STRBP: variants seen among roughly 807,000 people sequenced by gnomAD.
STRBP encodes the protein spermatid perinuclear RNA binding protein.
A neutral mutation model predicts 80.1 loss-of-function variants in STRBP; 13 were observed. The ratio of observed to expected loss-of-function variants is 0.16; its 90% confidence interval spans 0.11 to 0.26. STRBP has a LOEUF of 0.26. Ranked by LOEUF, STRBP falls within the 10% of genes least tolerant of loss-of-function variation. The pLI is 1.00. For synonymous variants in STRBP, 284 were observed against 291.2 expected (o/e 0.98, Z 0.25); for missense variants, 485 against 815.2 (o/e 0.59, Z 4.93).
intron 1 of STRBP, among the ~76,000 whole-genome samples, chr9:123,263,281 C>T (rs553880140): frequency 3.3e-4 from 50 of 152,218 alleles, no homozygotes; most frequent in Middle Eastern, 3.4e-3. Flanking sequence ...GCAACCTATG[C>T]TGAGACAGGA....
intron 1 of STRBP, among the ~76,000 whole-genome samples, chr9:123,258,081 T>A (rs749257668): frequency 6.6e-5 from 10 of 151,988 alleles, no homozygotes; most frequent in Admixed American, 5.9e-4. Context: ...ATTAAAACTT[T>A]AAAAAAATTA....
intron 1 of STRBP, among the ~76,000 whole-genome samples, chr9:123,240,627 T>C (rs2040673793): frequency 6.6e-6 from 1 of 152,154 alleles, no homozygotes; most frequent in African/African-American, 2.4e-5. Context: ...GTCGCAAACA[T>C]ACAAGAGCAT....
intron 2 of STRBP, among the ~76,000 whole-genome samples, chr9:123,206,553 C>T (rs938734038): frequency 1.3e-5 from 2 of 152,112 alleles, no homozygotes; most frequent in African/African-American, 4.8e-5. Flanking sequence ...AAATGAATGA[C>T]AGGGGGTTCT....
chr9:123,188,839 T>G (rs1205584778), intron 2 of STRBP, among the ~76,000 whole-genome samples: 1 of 152,154 alleles, frequency 6.6e-6, no homozygotes, highest in Non-Finnish European at 1.5e-5. Flanking sequence ...AAACAGTAAC[T>G]GACTAGGAAA....
chr9:123,237,327 C>T (rs1485345145), intron 1 of STRBP, among the ~76,000 whole-genome samples: 4 of 152,108 alleles, frequency 2.6e-5, no homozygotes, highest in East Asian at 1.9e-4. Flanking sequence ...CTCACCTTTA[C>T]ATTCTGTAAC....
chr9:123,149,941 T>A (rs1296657801), intron 11 of STRBP, among the ~76,000 whole-genome samples: 1 of 152,208 alleles, frequency 6.6e-6, no homozygotes, highest in African/African-American at 2.4e-5. Context: ...AGAGCTTACA[T>A]ATACTGGCCA....
intron 11 of STRBP, among the ~76,000 whole-genome samples, chr9:123,150,130 C>T (rs1284519675): frequency 2.0e-5 from 3 of 152,108 alleles, no homozygotes; most frequent in African/African-American, 7.2e-5. Flanking sequence ...TAAACAGCAA[C>T]TACAAAAGTC....
intron 5 of STRBP, among the ~76,000 whole-genome samples, chr9:123,170,613 A>C (rs991352200): frequency 2.0e-5 from 3 of 152,210 alleles, no homozygotes; most frequent in Non-Finnish European, 2.9e-5. Context: ...CTTCTCCGAC[A>C]ACAGGTCTCA....
chr9:123,175,995 T>C (rs192963444), intron 4 of STRBP, among the ~76,000 whole-genome samples: 47 of 152,314 alleles, frequency 3.1e-4, no homozygotes, highest in African/African-American at 9.1e-4. Flanking sequence ...CTGTGTGACA[T>C]TGGACAAATT....
intron 11 of STRBP, among the ~76,000 whole-genome samples, chr9:123,153,204 T>C (rs2037134794): frequency 6.6e-6 from 1 of 151,758 alleles, no homozygotes; most frequent in African/African-American, 2.4e-5. Flanking sequence ...TTTTTTTTTT[T>C]TTCTGAGACA....
At chr9:123,195,743 C>T (rs541983365) in intron 2 of STRBP, among the ~76,000 whole-genome samples, 19 of 152,162 alleles carry the variant, frequency 1.2e-4, no homozygotes, top group Middle Eastern at 3.4e-3. Context: ...GGATTGGAAG[C>T]GTCAATATTG....
chr9:123,229,174 C>A (rs79684642), intron 2 of STRBP, among the ~76,000 whole-genome samples: 2,151 of 152,250 alleles, frequency 0.014, 50 homozygotes, highest in African/African-American at 0.049. Flanking sequence ...CTGCCAGGAA[C>A]TGGAGGAAGG....
intron 2 of STRBP, among the ~76,000 whole-genome samples, chr9:123,198,975 T>C (rs1044652470): frequency 1.3e-5 from 2 of 152,248 alleles, no homozygotes; most frequent in Non-Finnish European, 2.9e-5. Flanking sequence ...AGATGGAGTC[T>C]GACTCTGTCG....
At position 123,184,148 on chromosome 9, in the gene STRBP, A is replaced by G; in HGVS notation, c.-14T>C. 1 of 1,609,280 alleles carries G rather than the reference A, an allele frequency of 6.2e-7. No homozygotes were observed. Among genetic ancestry groups the G allele is most frequent in the South Asian group, 1.1e-5 (1 of 90,318 alleles). On this transcript the variant is annotated 5_prime_UTR_variant, in exon 3 of 19. Transcript: ENST00000348403. ...ATAACCTACCATGGTTTTCTATAGT[A>G]TTTTAGCTTCTTTTTCCGATCCTTT...
intron 2 of STRBP, among the ~76,000 whole-genome samples, chr9:123,234,753 A>T (rs940136927): frequency 6.6e-6 from 1 of 152,088 alleles, no homozygotes; most frequent in African/African-American, 2.4e-5. Context: ...TGAGGTCAGG[A>T]GTTCAAGACC....
intron 1 of STRBP, among the ~76,000 whole-genome samples, chr9:123,241,302 G>A (rs1465242503): frequency 6.6e-6 from 1 of 152,068 alleles, no homozygotes; most frequent in Non-Finnish European, 1.5e-5. Flanking sequence ...AGAAGTTCAA[G>A]ACTAGCCTGG....
intron 2 of STRBP, among the ~76,000 whole-genome samples, chr9:123,193,080 C>T (rs1342345082): frequency 6.6e-6 from 1 of 152,102 alleles, no homozygotes; most frequent in Non-Finnish European, 1.5e-5. Flanking sequence ...CATCAAATGC[C>T]CATCTCAAAT....
intron 2 of STRBP, among the ~76,000 whole-genome samples, chr9:123,235,293 G>GT (rs201832130): frequency 1.3e-3 from 189 of 144,058 alleles, no homozygotes; most frequent in African/African-American, 2.1e-3. Context: ...TTTAATTTAG[G>GT]TTTTTTTTTT....
intron 2 of STRBP, among the ~76,000 whole-genome samples, chr9:123,214,577 CAT>C (rs2039829595): frequency 6.6e-6 from 1 of 152,170 alleles, no homozygotes; most frequent in African/African-American, 2.4e-5. Context: ...CCTCATGACT[CAT>C]TATGCTAATA....
Sources: allele counts gnomAD v4.1 joint callset (sites outside exome capture counted in the v4.1 genomes callset), GRCh38; gene constraint gnomAD v4.1.1; transcripts MANE v1.5; gene names NCBI Gene and HGNC (gene_info 2026-07-23, HGNC 2026-07-21).